CNTNAP4: variants seen among roughly 807,000 people sequenced by gnomAD.
CNTNAP4 encodes contactin-associated protein-like 4.
Under a neutral mutation model 148.4 loss-of-function variants are expected in CNTNAP4, and 98 were observed. The ratio of observed to expected loss-of-function variants is 0.66; its 90% CI spans 0.56 to 0.78. The LOEUF (loss-of-function observed/expected upper bound fraction) is 0.78, where lower values mean the gene tolerates loss of function less well. Ranked by LOEUF, CNTNAP4 falls within the 30% of genes least tolerant of loss-of-function variation. The probability of loss-of-function intolerance (pLI) is 0.00; values close to 1 mark genes in which losing one functional copy is unlikely to be tolerated. For missense variants in CNTNAP4, 1,935 were observed against 1,565.6 expected, an observed-to-expected ratio of 1.24 and a Z score of -3.98; for synonymous variants, 730 against 565.1, an observed-to-expected ratio of 1.29 and a Z score of -4.14.
intron 3 of CNTNAP4, among the ~76,000 whole-genome samples, chr16:76,407,395 GTAAATT>G (rs1355255183): frequency 6.6e-6 from 1 of 151,802 alleles, no homozygotes; most frequent in African/African-American, 2.4e-5. Flanking sequence ...TCTGGGCAAA[GTAAATT>G]TAAAACCTTC....
chr16:76,449,793 C>G lies in CNTNAP4; in HGVS notation c.1006C>G (p.Leu336Val), dbSNP rs139023101. The G allele has an allele frequency of 6.2e-7, 1 of 1,601,400 alleles. No individual in the cohort carries two copies. Among genetic ancestry groups the G allele is most frequent in the Non-Finnish European group, 8.5e-7 (1 of 1,173,390 alleles). The change falls in exon 7 of 24, where the codon CTC becomes GTC. Residue 336 changes from leucine to valine, a missense_variant. Transcript: ENST00000611870. ...AAATTTTCATGGATGTTTAGAAAAT[C>G]TCTATTATAATGGAGTGGATATCAT... ...HRNFHGCLENLYYNGVDIIDL... is the reference protein window; with the variant it reads ...HRNFHGCLENVYYNGVDIIDL...
intron 2 of CNTNAP4, among the ~76,000 whole-genome samples, chr16:76,330,106 C>T (rs908834399): frequency 2.6e-5 from 4 of 152,150 alleles, no homozygotes; most frequent in African/African-American, 9.7e-5. Context: ...GGTGTTTTTT[C>T]TCACTTTATC....
chr16:76,306,146 A>G (rs183880209), intron 1 of CNTNAP4, among the ~76,000 whole-genome samples: 303 of 152,304 alleles, frequency 2.0e-3, no homozygotes, highest in Admixed American at 5.8e-3. Flanking sequence ...TTTTTGGTAT[A>G]AAGGTCTAGT....
At chr16:76,502,463 G>T (rs1400210266) in intron 15 of CNTNAP4, among the ~76,000 whole-genome samples, 1 of 151,222 alleles carries the variant, frequency 6.6e-6, no homozygotes, top group African/African-American at 2.4e-5. Context: ...CTTATAAGCA[G>T]AGAAAAGCTG....
chr16:76,277,852 G>A (rs1958538021), intron 1 of CNTNAP4, 105 bp downstream of exon 1: 1 of 747,914 alleles, frequency 1.3e-6, no homozygotes, highest in Non-Finnish European at 2.3e-6. Flanking sequence ...GCTGCAAAGC[G>A]TATTGCTGTA....
intron 1 of CNTNAP4, among the ~76,000 whole-genome samples, chr16:76,311,686 C>A (rs1013712579): frequency 6.6e-6 from 1 of 152,130 alleles, no homozygotes; most frequent in Non-Finnish European, 1.5e-5. Context: ...ATGTTCATTT[C>A]TTCTCTAATT....
At chr16:76,556,138 C>T (rs945988172) in intron 23 of CNTNAP4, among the ~76,000 whole-genome samples, 5 of 151,882 alleles carry the variant, frequency 3.3e-5, no homozygotes, top group Non-Finnish European at 7.4e-5. Flanking sequence ...TTTTTACTTG[C>T]AAAATGAATG....
At chr16:76,466,432 A>C (rs997492011) in intron 9 of CNTNAP4, among the ~76,000 whole-genome samples, 3 of 152,186 alleles carry the variant, frequency 2.0e-5, no homozygotes, top group Admixed American at 2.0e-4. Flanking sequence ...ATGAAGGATA[A>C]ATGCTTTAGA....
At chr16:76,421,467 T>C (rs1172993005) in intron 3 of CNTNAP4, among the ~76,000 whole-genome samples, 1 of 152,086 alleles carries the variant, frequency 6.6e-6, no homozygotes, top group African/African-American at 2.4e-5. Flanking sequence ...CCTGATGTCT[T>C]GTTCAACATA....
At chr16:76,349,481 A>C (rs1293399534) in intron 2 of CNTNAP4, among the ~76,000 whole-genome samples, 9 of 152,164 alleles carry the variant, frequency 5.9e-5, no homozygotes, top group African/African-American at 2.2e-4. Flanking sequence ...AGCTATTAAA[A>C]GGCTCTAAAT....
rs371808348 is a variant in CNTNAP4, at chr16:76,560,719, C to T, written c.*2036C>T. Among the ~76,000 whole-genome samples the T allele has an allele frequency of 1.3e-5, 2 of 152,256 alleles. No homozygotes were observed. Among genetic ancestry groups the T allele is most frequent in the Non-Finnish European group, 2.9e-5 (2 of 68,014 alleles). On this transcript the variant is annotated 3_prime_UTR_variant, in exon 24 of 24. Transcript: ENST00000611870. ...ACTTTAATTTCCTGATTTGTAATCT[C>T]TTATTTTATCATTAATAAAATGCAT... is the stretch of plus-strand genomic sequence containing the variant.
chr16:76,315,218 A>G (rs1355433784), intron 1 of CNTNAP4, among the ~76,000 whole-genome samples: 2 of 152,134 alleles, frequency 1.3e-5, no homozygotes, highest in Non-Finnish European at 2.9e-5. Flanking sequence ...GAAATCATAC[A>G]TGTCTCCTGG....
At chr16:76,426,139 G>C (rs576785359) in intron 3 of CNTNAP4, among the ~76,000 whole-genome samples, 1 of 152,176 alleles carries the variant, frequency 6.6e-6, no homozygotes, top group African/African-American at 2.4e-5. Context: ...CTGGTGGAGT[G>C]GGGGCAGAAG....
At chr16:76,454,495 A>C (rs2080645484) in intron 8 of CNTNAP4, among the ~76,000 whole-genome samples, 1 of 152,212 alleles carries the variant, frequency 6.6e-6, no homozygotes, top group African/African-American at 2.4e-5. Flanking sequence ...GATTATTTTC[A>C]TACTAATCAT....
At chr16:76,291,080 C>G (rs915525879) in intron 1 of CNTNAP4, among the ~76,000 whole-genome samples, 1 of 152,136 alleles carries the variant, frequency 6.6e-6, no homozygotes, top group African/African-American at 2.4e-5. Context: ...TGTTATGGCC[C>G]TCTCTCTGAA....
chr16:76,501,631 T>A (rs548700623), intron 15 of CNTNAP4, among the ~76,000 whole-genome samples: 1 of 152,276 alleles, frequency 6.6e-6, no homozygotes, highest in Non-Finnish European at 1.5e-5. Context: ...AGGTCAGGTT[T>A]GCTGCTAAAC....
chr16:76,480,279 A>G (rs1276815428), intron 12 of CNTNAP4, among the ~76,000 whole-genome samples: 1 of 152,212 alleles, frequency 6.6e-6, no homozygotes, highest in African/African-American at 2.4e-5. Flanking sequence ...CAAACATAAA[A>G]TTAATTTTAT....
At chr16:76,523,929 C>G (rs2083600281) in intron 17 of CNTNAP4, among the ~76,000 whole-genome samples, 1 of 151,924 alleles carries the variant, frequency 6.6e-6, no homozygotes, top group South Asian at 2.1e-4. Context: ...GCCCCTGTCT[C>G]AACAACAACA....
intron 10 of CNTNAP4, among the ~76,000 whole-genome samples, chr16:76,470,763 T>G (rs2081340250): frequency 6.6e-6 from 1 of 152,068 alleles, no homozygotes; most frequent in South Asian, 2.1e-4. Flanking sequence ...ATACTTTAAG[T>G]TGGCTCAAAC....
Sources: allele counts gnomAD v4.1 joint callset (sites outside exome capture counted in the v4.1 genomes callset), GRCh38; gene constraint gnomAD v4.1.1; transcripts MANE v1.5; gene names NCBI Gene and HGNC (gene_info 2026-07-23, HGNC 2026-07-21).